Variants in DLG2 observed in about 807,000 individuals in gnomAD.
DLG2 encodes the protein discs large MAGUK scaffold protein 2.
Under a neutral mutation model 132.5 loss-of-function variants are expected in DLG2, and 45 were observed. The observed-to-expected ratio is 0.34, with a 90% CI of 0.27 to 0.44. The LOEUF is 0.44. Among genes scored for constraint, DLG2 ranks in the 20% least tolerant of loss-of-function variants. DLG2 has a pLI of 1.00. For synonymous variants in DLG2, 424 were observed against 419.6 expected (o/e 1.01, Z -0.13); for missense variants, 1,045 against 1,196.9 (o/e 0.87, Z 1.87).
intron 5 of DLG2, among the ~76,000 whole-genome samples, chr11:85,148,271 TA>T (rs368418096): frequency 6.6e-6 from 1 of 152,338 alleles, no homozygotes; most frequent in East Asian, 1.9e-4. Context: ...ATATACCTAG[TA>T]ATGGGACTGC....
intron 19 of DLG2, among the ~76,000 whole-genome samples, chr11:83,549,669 T>C (rs1207309254): frequency 6.6e-6 from 1 of 152,200 alleles, no homozygotes; most frequent in African/African-American, 2.4e-5. Flanking sequence ...CAGAGAGATC[T>C]AAACTTTAGT....
chr11:84,794,333 C>A lies in DLG2; in HGVS notation c.358-259602G>T, dbSNP rs562650555. Among the ~76,000 whole-genome samples the A allele has an allele frequency of 8.0e-4, 122 of 152,310 alleles. 1 individual carries two copies. The highest frequency in any genetic ancestry group is 1.0e-3 in the Non-Finnish European group (69 of 68,026). On this transcript the variant is annotated intron_variant, in intron 6 of 27. Transcript: ENST00000376104. ...GAATCTGATGGCAGTGGTGGCCTGG[C>A]TGGAGCAGCTACTGCCATAACGCCA...
intron 6 of DLG2, among the ~76,000 whole-genome samples, chr11:84,667,007 T>C (rs1212562696): frequency 6.6e-6 from 1 of 152,172 alleles, no homozygotes; most frequent in Non-Finnish European, 1.5e-5. Context: ...CAGTTTTGCC[T>C]GAATTTTGTT....
At chr11:83,840,937 GT>G (rs2057387234) in intron 16 of DLG2, among the ~76,000 whole-genome samples, 1 of 151,982 alleles carries the variant, frequency 6.6e-6, no homozygotes, top group Non-Finnish European at 1.5e-5. Flanking sequence ...TTATCTTACT[GT>G]TTCCCGTTTG....
chr11:83,661,107 T>C (rs2074145254), intron 18 of DLG2, among the ~76,000 whole-genome samples: 1 of 152,206 alleles, frequency 6.6e-6, no homozygotes, highest in South Asian at 2.1e-4. Context: ...AATATACCAG[T>C]TCTCCTGCTT....
chr11:84,193,674 T>C (rs1378162443), intron 8 of DLG2, among the ~76,000 whole-genome samples: 2 of 152,216 alleles, frequency 1.3e-5, no homozygotes, highest in African/African-American at 4.8e-5. Flanking sequence ...GGTCCTATGC[T>C]GTACAGGGAA....
chr11:84,824,971 C>T (rs933403836), intron 6 of DLG2, among the ~76,000 whole-genome samples: 2 of 151,902 alleles, frequency 1.3e-5, no homozygotes, highest in Non-Finnish European at 2.9e-5. Flanking sequence ...GGGCTCTTGA[C>T]ATTTGGAATC....
At chr11:85,227,044 G>C (rs745861705) in intron 4 of DLG2, among the ~76,000 whole-genome samples, 9 of 152,138 alleles carry the variant, frequency 5.9e-5, no homozygotes, top group East Asian at 3.9e-4. Flanking sequence ...TGGAGGGTCA[G>C]AGCAGGAATG....
intron 17 of DLG2, among the ~76,000 whole-genome samples, chr11:83,801,657 T>G (rs1347727144): frequency 6.6e-6 from 1 of 152,210 alleles, no homozygotes; most frequent in Admixed American, 6.5e-5. Context: ...CAAAGAGCTC[T>G]TTGCTGACAA....
In DLG2 at chr11:85,393,122, GCAAGAA is replaced by G. The variant is rs549353814; in HGVS notation, c.41-107763_41-107758del. The stretch of plus-strand genomic sequence containing the variant: ...CACAATCTACAAGAAACTCAAATCA[GCAAGAA>G]CAAAACAAACAATCCTATCAAAAAG... On this transcript the variant is annotated intron_variant, in intron 3 of 27. Coordinates refer to ENST00000376104, the MANE Select transcript of DLG2 (RefSeq NM_001142699.3). Among the ~76,000 whole-genome samples, 408 of 151,826 alleles carry G rather than the reference GCAAGAA, an allele frequency of 2.7e-3. 2 individuals are homozygous for G. Among genetic ancestry groups the G allele is most frequent in the African/African-American group, 9.0e-3 (375 of 41,454 alleles).
At chr11:85,279,571 C>G (rs1013864043) in intron 4 of DLG2, among the ~76,000 whole-genome samples, 3 of 152,048 alleles carry the variant, frequency 2.0e-5, no homozygotes, top group Non-Finnish European at 2.9e-5. Flanking sequence ...CCACTCTACC[C>G]CTCTTCCAAC....
intron 16 of DLG2, among the ~76,000 whole-genome samples, chr11:83,873,411 C>T (rs1281340366): frequency 6.6e-6 from 1 of 152,050 alleles, no homozygotes; most frequent in Non-Finnish European, 1.5e-5. Flanking sequence ...GCAGCTTCTC[C>T]CATACTGTTT....
chr11:85,436,408 C>T (rs1247922328), intron 3 of DLG2, among the ~76,000 whole-genome samples: 7 of 151,864 alleles, frequency 4.6e-5, no homozygotes, highest in Admixed American at 3.9e-4. Context: ...GCAATCTACC[C>T]ATCTGACAAA....
rs529932820 is a variant in DLG2 at position 84,155,376 on chromosome 11, A to T, written c.624+8085T>A. ...CCTCTCTATAAACTTTCAACGTTTT[A>T]TTTCAAAAGATCTATTCGAAGTGTG... On this transcript the variant is annotated intron_variant, in intron 9 of 27. Transcript: ENST00000376104. 4.6e-5 allele frequency among the ~76,000 whole-genome samples: 7 copies of T among 151,670 alleles called. No individual in the cohort carries two copies. In the East Asian group the frequency reaches 1.4e-3, roughly 29 times the overall value.
chr11:84,094,990 T>G (rs189692299), intron 10 of DLG2, among the ~76,000 whole-genome samples: 4 of 152,058 alleles, frequency 2.6e-5, no homozygotes, highest in African/African-American at 9.7e-5. Context: ...AACTTGAGAA[T>G]AGAAGTACAG....
chr11:85,479,948 C>T (rs927810868), intron 3 of DLG2, among the ~76,000 whole-genome samples: 10 of 152,112 alleles, frequency 6.6e-5, no homozygotes, highest in African/African-American at 2.2e-4. Context: ...CCCTAAAGAC[C>T]TCATTTTAAT....
intron 8 of DLG2, among the ~76,000 whole-genome samples, chr11:84,175,669 T>C (rs1012800991): frequency 6.6e-6 from 1 of 152,122 alleles, no homozygotes. Flanking sequence ...ATATAATCTC[T>C]TTTCATCCCA....
intron 11 of DLG2, among the ~76,000 whole-genome samples, chr11:84,014,230 T>C (rs1202565637): frequency 6.6e-6 from 1 of 152,136 alleles, no homozygotes; most frequent in Non-Finnish European, 1.5e-5. Context: ...TTCTATAAAA[T>C]GTAAGGTGAA....
chr11:85,487,773 T>A (rs1399826912), intron 3 of DLG2, among the ~76,000 whole-genome samples: 1 of 152,132 alleles, frequency 6.6e-6, no homozygotes, highest in African/African-American at 2.4e-5. Context: ...ATTTCCCAAG[T>A]CTAGCAAGAC....
Sources: allele counts gnomAD v4.1 joint callset (sites outside exome capture counted in the v4.1 genomes callset), GRCh38; gene constraint gnomAD v4.1.1; transcripts MANE v1.5; gene names NCBI Gene and HGNC (gene_info 2026-07-23, HGNC 2026-07-21).